ARHGAP42: variants seen among roughly 807,000 people sequenced by gnomAD.
ARHGAP42 encodes Rho GTPase activating protein 42, also known as rho GTPase-activating protein 42.
ARHGAP42 carries 63 observed loss-of-function variants against 125.0 expected under a neutral mutation model. The observed-to-expected ratio is 0.50, with a 90% CI of 0.41 to 0.62. The LOEUF (loss-of-function observed/expected upper bound fraction) is 0.62, where lower values mean the gene tolerates loss of function less well. Among genes scored for constraint, ARHGAP42 ranks in the 20% least tolerant of loss-of-function variants. The pLI, the probability that ARHGAP42 is intolerant of heterozygous loss-of-function variation, is 0.00. For missense variants in ARHGAP42, 766 were observed against 1,024.2 expected, an observed-to-expected ratio of 0.75 and a Z score of 3.44; for synonymous variants, 339 against 351.0, an observed-to-expected ratio of 0.97 and a Z score of 0.38.
intron 1 of ARHGAP42, among the ~76,000 whole-genome samples, chr11:100,728,854 C>T (rs1186477625): frequency 2.0e-5 from 3 of 150,858 alleles, no homozygotes; most frequent in South Asian, 2.1e-4. Context: ...CTACAACCTC[C>T]ACCTCCCAGC....
chr11:100,688,182 T>G (rs2120157030), intron 1 of ARHGAP42, among the ~76,000 whole-genome samples: 1 of 152,178 alleles, frequency 6.6e-6, no homozygotes, highest in Non-Finnish European at 1.5e-5. Flanking sequence ...AAAAAAGCCC[T>G]TAAGGGGGGA....
intron 8 of ARHGAP42, among the ~76,000 whole-genome samples, chr11:100,936,907 G>A (rs1867752575): frequency 1.3e-5 from 2 of 152,294 alleles, no homozygotes; most frequent in Admixed American, 1.3e-4. Context: ...TTTTGTGCAT[G>A]TTACTTGTCA....
At chr11:100,970,376 G>T (rs1858207349) in intron 17 of ARHGAP42, among the ~76,000 whole-genome samples, 1 of 152,130 alleles carries the variant, frequency 6.6e-6, no homozygotes, top group African/African-American at 2.4e-5. Context: ...AGAGAATGCA[G>T]CCTGGGACAT....
chr11:100,950,429 GTTT>G (rs1857616667), intron 12 of ARHGAP42, among the ~76,000 whole-genome samples: 1 of 150,712 alleles, frequency 6.6e-6, no homozygotes, highest in South Asian at 2.1e-4. Context: ...CTCTGCTCCA[GTTT>G]TCTTACAGGT....
At chr11:100,885,274 G>A (rs891541895) in intron 4 of ARHGAP42, among the ~76,000 whole-genome samples, 1 of 152,178 alleles carries the variant, frequency 6.6e-6, no homozygotes, top group Admixed American at 6.5e-5. Flanking sequence ...CTTCGATTGG[G>A]TATCTCAATT....
intron 4 of ARHGAP42, among the ~76,000 whole-genome samples, chr11:100,909,454 C>A (rs1218235044): frequency 1.3e-5 from 2 of 151,344 alleles, no homozygotes; most frequent in Non-Finnish European, 2.9e-5. Flanking sequence ...AAGCGATTCT[C>A]CTGCCTCAGC....
intron 1 of ARHGAP42, among the ~76,000 whole-genome samples, chr11:100,744,128 G>A (rs1436248991): frequency 6.6e-6 from 1 of 152,072 alleles, no homozygotes; most frequent in Non-Finnish European, 1.5e-5. Context: ...CTGCCTCCAC[G>A]CCCGGCTAAT....
intron 3 of ARHGAP42, among the ~76,000 whole-genome samples, chr11:100,834,380 G>A (rs547959777): frequency 3.3e-5 from 5 of 152,170 alleles, no homozygotes; most frequent in Admixed American, 2.0e-4. Flanking sequence ...GTCTACCTAT[G>A]TCCTTTTGAT....
intron 1 of ARHGAP42, among the ~76,000 whole-genome samples, chr11:100,763,161 A>G (rs996570881): frequency 6.6e-6 from 1 of 151,260 alleles, no homozygotes; most frequent in South Asian, 2.1e-4. Flanking sequence ...TTGTATTTTT[A>G]GTAGAGATGA....
intron 1 of ARHGAP42, among the ~76,000 whole-genome samples, chr11:100,688,419 A>G (rs1018986704): frequency 2.0e-5 from 3 of 152,304 alleles, no homozygotes; most frequent in South Asian, 4.1e-4. Flanking sequence ...TTTGGTTTGC[A>G]TTGTGTGGGT....
At chr11:100,815,098 T>C (rs999819512) in intron 3 of ARHGAP42, among the ~76,000 whole-genome samples, 4 of 152,220 alleles carry the variant, frequency 2.6e-5, no homozygotes, top group African/African-American at 9.7e-5. Flanking sequence ...CATATACATG[T>C]TTGTGTTTTA....
chr11:100,760,953 G>C (rs1372155706), intron 1 of ARHGAP42, among the ~76,000 whole-genome samples: 7 of 152,158 alleles, frequency 4.6e-5, no homozygotes, highest in Admixed American at 1.3e-4. Flanking sequence ...GTTGATAAGA[G>C]AGTAAGTTGT....
intron 4 of ARHGAP42, among the ~76,000 whole-genome samples, chr11:100,864,989 T>G (rs1001805223): frequency 6.6e-6 from 1 of 152,192 alleles, no homozygotes; most frequent in Non-Finnish European, 1.5e-5. Flanking sequence ...TGAGAAATGT[T>G]TTGTGAGACA....
intron 12 of ARHGAP42, among the ~76,000 whole-genome samples, chr11:100,952,110 AT>A (rs1857673138): frequency 6.6e-6 from 1 of 152,142 alleles, no homozygotes; most frequent in African/African-American, 2.4e-5. Context: ...TATTTGATTT[AT>A]TTTAAGCCAT....
At chr11:100,903,709 A>AAAATATATATAT (rs1332890022) in intron 4 of ARHGAP42, among the ~76,000 whole-genome samples, 5 of 63,504 alleles carry the variant, frequency 7.9e-5, no homozygotes, top group African/African-American at 2.7e-4. Context: ...TGTCCCTCAA[A>AAAATATATATAT]ATATATATAT....
intron 16 of ARHGAP42, among the ~76,000 whole-genome samples, chr11:100,963,211 C>G (rs1858005305): frequency 6.6e-6 from 1 of 152,208 alleles, no homozygotes; most frequent in Admixed American, 6.5e-5. Flanking sequence ...TCAATCCCCT[C>G]TCCCTCATAT....
chr11:100,780,150 C>T lies in ARHGAP42; in HGVS notation c.250+9712C>T, dbSNP rs186292485. On this transcript the variant is annotated intron_variant, in intron 2 of 23. Coordinates refer to ENST00000298815, the MANE Select transcript of ARHGAP42 (RefSeq NM_152432.4). ...TATTTATTGACTACCTGTTATGTGA[C>T]AAGAACTGTGCTTGTGAAAAAGGTG... Among the ~76,000 whole-genome samples the T allele has an allele frequency of 1.2e-3, 185 of 152,084 alleles. 2 individuals carry two copies. Among genetic ancestry groups the T allele is most frequent in the Non-Finnish European group, 2.2e-3 (148 of 68,014 alleles).
chr11:100,699,731 C>T (rs1861366039), intron 1 of ARHGAP42, among the ~76,000 whole-genome samples: 1 of 151,636 alleles, frequency 6.6e-6, no homozygotes, highest in Admixed American at 6.6e-5. Context: ...CCATGTTGGC[C>T]AGGCTGGTCT....
chr11:100,884,681 C>T (rs965073977), intron 4 of ARHGAP42, among the ~76,000 whole-genome samples: 5 of 152,114 alleles, frequency 3.3e-5, no homozygotes, highest in Admixed American at 6.6e-5. Flanking sequence ...CTCCGTGTCC[C>T]CCCAACCCCG....
Sources: allele counts gnomAD v4.1 joint callset (sites outside exome capture counted in the v4.1 genomes callset), GRCh38; gene constraint gnomAD v4.1.1; transcripts MANE v1.5; gene names NCBI Gene and HGNC (gene_info 2026-07-23, HGNC 2026-07-21).